ZNF385D: variants seen among roughly 807,000 people sequenced by gnomAD.
The protein encoded by ZNF385D is zinc finger protein 385D.
A neutral mutation model predicts 35.8 loss-of-function variants in ZNF385D; 15 were observed. The observed-to-expected ratio is 0.42, with a 90% CI of 0.28 to 0.64. The LOEUF (loss-of-function observed/expected upper bound fraction) is 0.64. ZNF385D is among the 30% of genes least tolerant of loss of function. The pLI is 0.23. For missense variants in ZNF385D, 474 were observed against 494.6 expected (o/e 0.96, Z 0.39); for synonymous variants, 212 against 186.8 (o/e 1.13, Z -1.10).
At chr3:21,851,675 T>C (rs1201935322) in intron 3 of ZNF385D, among the ~76,000 whole-genome samples, 1 of 151,988 alleles carries the variant, frequency 6.6e-6, no homozygotes, top group Admixed American at 6.6e-5. Context: ...GAACATAAAA[T>C]GATAAATTTT....
At chr3:21,891,003 G>T (rs1698828227) in intron 3 of ZNF385D, among the ~76,000 whole-genome samples, 1 of 152,128 alleles carries the variant, frequency 6.6e-6, no homozygotes, top group Admixed American at 6.5e-5. Context: ...AAACCCACTT[G>T]GAACTGGACT....
intron 3 of ZNF385D, among the ~76,000 whole-genome samples, chr3:21,916,059 C>G (rs1425465001): frequency 1.3e-5 from 2 of 152,038 alleles, no homozygotes; most frequent in African/African-American, 4.8e-5. Context: ...AAATCTTGTA[C>G]TCCAAAATGA....
At chr3:21,707,481 C>T (rs541348565) in intron 1 of ZNF385D, among the ~76,000 whole-genome samples, 9 of 152,284 alleles carry the variant, frequency 5.9e-5, no homozygotes, top group African/African-American at 2.2e-4. Flanking sequence ...AACCCCCATC[C>T]TGATATCTCC....
intron 2 of ZNF385D, among the ~76,000 whole-genome samples, chr3:21,613,606 ATTGTAATTACATAAACC>A (rs2064754133): frequency 6.6e-6 from 1 of 152,188 alleles, no homozygotes; most frequent in African/African-American, 2.4e-5. Flanking sequence ...ATTTCCCAGT[ATTGTAATTACATAAACC>A]TCTGTTTATT....
At chr3:22,102,324 C>T (rs1241734583) in intron 3 of ZNF385D, among the ~76,000 whole-genome samples, 2 of 151,864 alleles carry the variant, frequency 1.3e-5, no homozygotes, top group Non-Finnish European at 2.9e-5. Context: ...TATTTTTATT[C>T]CCATTTGAAA....
rs912273417 is a variant in ZNF385D at position 21,421,119 on chromosome 3, T to A, written c.*95A>T. The stretch of plus-strand genomic sequence containing the variant: ...AAAGTCCTGGCTCTTCAGATATACT[T>A]TAAACTATAAATAAACACTGCATAG... On this transcript the variant is annotated 3_prime_UTR_variant, in exon 8 of 8. Coordinates refer to ENST00000281523, the MANE Select transcript of ZNF385D (RefSeq NM_024697.3). The A allele has an allele frequency of 4.3e-6, 4 of 922,100 alleles. No homozygotes were observed. The highest frequency in any genetic ancestry group is 2.7e-5 in the Admixed American group (1 of 37,636). The allele number at this position is 922,100 out of a possible 1,614,324, so 57.1% of individuals were successfully genotyped here.
rs982236522 is a variant in ZNF385D at position 22,297,365 on chromosome 3, G to C, written c.106+75085C>G. On this transcript the variant is annotated intron_variant, in intron 2 of 5. Transcript: ENST00000494108. ...ATCTTTTGGCCAGACCTCTGCCTTT[G>C]GGAGGACAGCCTAGGGAAAGGACTC... Among the ~76,000 whole-genome samples the C allele has an allele frequency of 4.6e-5, 7 of 152,086 alleles. 1 individual carries two copies. The highest frequency in any genetic ancestry group is 1.7e-4 in the African/African-American group (7 of 41,402).
chr3:21,519,340 C>A (rs1435109667), intron 3 of ZNF385D, among the ~76,000 whole-genome samples: 3 of 152,108 alleles, frequency 2.0e-5, no homozygotes, highest in African/African-American at 7.2e-5. Flanking sequence ...TAGATGGGGT[C>A]ACTTTTCAAA....
chr3:21,888,034 T>A (rs1302320081), intron 3 of ZNF385D, among the ~76,000 whole-genome samples: 6 of 152,158 alleles, frequency 3.9e-5, no homozygotes, highest in Non-Finnish European at 8.8e-5. Context: ...TGATTAAGAA[T>A]CTGTTTACTT....
intron 3 of ZNF385D, among the ~76,000 whole-genome samples, chr3:21,811,773 C>A (rs898509217): frequency 6.6e-6 from 1 of 152,136 alleles, no homozygotes; most frequent in African/African-American, 2.4e-5. Flanking sequence ...AAGAGGAGAA[C>A]AGCACCATTT....
chr3:21,539,790 C>T lies in ZNF385D; in HGVS notation c.276+24784G>A, dbSNP rs979254829. Among the ~76,000 whole-genome samples, 3 of 152,002 alleles carry T rather than the reference C, an allele frequency of 2.0e-5. No individual in the cohort carries two copies. Among genetic ancestry groups the T allele is most frequent in the Non-Finnish European group, 2.9e-5 (2 of 67,976 alleles). On this transcript the variant is annotated intron_variant, in intron 3 of 7. Coordinates refer to ENST00000281523, the MANE Select transcript of ZNF385D (RefSeq NM_024697.3). The surrounding 1 kb of genome is among the most constrained non-coding windows in gnomAD (Gnocchi z 4.0). ...TATAGTAACTTTTCTGATAATGCTACGGTCTTAAGAAATATGGGTTGGCTT... is the reference window on the plus strand; with the variant it reads ...TATAGTAACTTTTCTGATAATGCTATGGTCTTAAGAAATATGGGTTGGCTT...
At position 22,237,316 on chromosome 3, in the gene ZNF385D, A is replaced by G. The variant is rs147068600; in HGVS notation, c.107-68281T>C. Among the ~76,000 whole-genome samples the G allele has an allele frequency of 1.5e-3, 221 of 152,286 alleles. 1 individual carries two copies. Among genetic ancestry groups the G allele is most frequent in the African/African-American group, 5.0e-3 (206 of 41,564 alleles). ...TTTCATGTGCCTACTGGCTATTTGT[A>G]TATCTCTTGGAGAAGTATCCCTTTA... is the stretch of plus-strand genomic sequence containing the variant. On this transcript the variant is annotated intron_variant, in intron 2 of 5. Coordinates refer to the ZNF385D transcript ENST00000494108.
chr3:22,152,147 C>G (rs1441981407), intron 3 of ZNF385D, among the ~76,000 whole-genome samples: 1 of 152,106 alleles, frequency 6.6e-6, no homozygotes, highest in Non-Finnish European at 1.5e-5. Context: ...GAATGATGAC[C>G]TCCAGCTCCA....
chr3:22,184,202 G>A lies in ZNF385D; in HGVS notation c.107-15167C>T, dbSNP rs368723576. ...ACTCTGTTCTCCCATTTGTAAGAAG[G>A]AGGTGAACAAATGATCTCTATTCCC... On this transcript the variant is annotated intron_variant, in intron 2 of 5. Transcript: ENST00000494108. Among the ~76,000 whole-genome samples the A allele has an allele frequency of 3.3e-5, 5 of 152,254 alleles. No individual in the cohort carries two copies. The South Asian group carries it at 6.2e-4, about 19-fold the overall frequency.
At chr3:22,031,248 C>T (rs1697981330) in intron 3 of ZNF385D, among the ~76,000 whole-genome samples, 1 of 152,202 alleles carries the variant, frequency 6.6e-6, no homozygotes, top group Non-Finnish European at 1.5e-5. Flanking sequence ...TAGGCAGTGC[C>T]CCAGTAGGGA....
chr3:21,437,046 C>T lies in ZNF385D; in HGVS notation c.597G>A (p.Lys199=), dbSNP rs757142528. 6 of 1,613,980 alleles carry T rather than the reference C, an allele frequency of 3.7e-6. No individual in the cohort carries two copies. The highest frequency in any genetic ancestry group is 2.2e-5 in the East Asian group (1 of 44,866). ...GCGAACAGTAAAGAAGCCGTTTTGC[C>T]TTTTCTTCCTCGGTCTCAGTAGAAG... The part of the protein sequence containing the change: ...SCPSTETEEE[K]AKRLLYCSLC... Residue 199 remains lysine (K), a synonymous_variant, in exon 5 of 8, where the codon AAG becomes AAA. Coordinates refer to ENST00000281523, the MANE Select transcript of ZNF385D (RefSeq NM_024697.3).
intron 3 of ZNF385D, among the ~76,000 whole-genome samples, chr3:22,017,426 G>A (rs1354012348): frequency 6.6e-6 from 1 of 151,848 alleles, no homozygotes; most frequent in Non-Finnish European, 1.5e-5. Context: ...TTGTCTTTCA[G>A]CTGTATCTCT....
chr3:22,152,622 A>G (rs1365130556), intron 3 of ZNF385D, among the ~76,000 whole-genome samples: 1 of 152,156 alleles, frequency 6.6e-6, no homozygotes, highest in Non-Finnish European at 1.5e-5. Flanking sequence ...CTTCCACAGT[A>G]ACATCTCCTT....
intron 3 of ZNF385D, among the ~76,000 whole-genome samples, chr3:22,029,295 C>T (rs1347249515): frequency 6.6e-6 from 1 of 152,122 alleles, no homozygotes; most frequent in African/African-American, 2.4e-5. Flanking sequence ...GAAGAGTATG[C>T]ATGGAATATA....
Sources: allele counts gnomAD v4.1 joint callset (sites outside exome capture counted in the v4.1 genomes callset), GRCh38; gene constraint gnomAD v4.1.1; non-coding constraint Gnocchi (gnomAD v3.1); transcripts MANE v1.5; gene names NCBI Gene and HGNC (gene_info 2026-07-23, HGNC 2026-07-21).